The following LIMCH1 variants were observed in gnomAD, a reference collection of about 807,000 sequenced individuals.
LIMCH1 encodes LIM and calponin homology domains-containing protein 1.
In LIMCH1, 113 loss-of-function variants were observed where a neutral mutation model predicts 176.5. That is an observed-to-expected ratio of 0.64 (90% CI 0.55 to 0.75). LIMCH1 has a LOEUF of 0.75. Among genes scored for constraint, LIMCH1 ranks in the 30% least tolerant of loss-of-function variants. The probability of loss-of-function intolerance (pLI) is 0.00; values close to 1 mark genes in which losing one functional copy is unlikely to be tolerated. For missense variants in LIMCH1, 1,674 were observed against 1,814.9 expected (o/e 0.92, Z 1.41); for synonymous variants, 619 against 645.9 (o/e 0.96, Z 0.63).
chr4:41,390,276 G>A (rs927715647), intron 1 of LIMCH1, among the ~76,000 whole-genome samples: 1 of 151,510 alleles, frequency 6.6e-6, no homozygotes, highest in Non-Finnish European at 1.5e-5. Flanking sequence ...GAGAGAGAGC[G>A]AGAGCGCTCC....
chr4:41,403,266 G>T (rs1294567332), intron 1 of LIMCH1, among the ~76,000 whole-genome samples: 2 of 152,086 alleles, frequency 1.3e-5, no homozygotes, highest in African/African-American at 4.8e-5. Context: ...AAGATGCAAA[G>T]AACTATGTTG....
intron 1 of LIMCH1, among the ~76,000 whole-genome samples, chr4:41,442,395 T>C (rs918261886): frequency 6.6e-5 from 10 of 152,076 alleles, no homozygotes; most frequent in African/African-American, 2.4e-4. Context: ...AAAACACAAG[T>C]TTGGCCACTT....
At chr4:41,422,024 A>G (rs952025805) in intron 1 of LIMCH1, among the ~76,000 whole-genome samples, 4 of 152,028 alleles carry the variant, frequency 2.6e-5, no homozygotes, top group African/African-American at 9.7e-5. Flanking sequence ...CAAAGGTTGC[A>G]GTGAGCTGGG....
chr4:41,696,857 T>A (rs1731064598), intron 31 of LIMCH1, among the ~76,000 whole-genome samples: 1 of 152,174 alleles, frequency 6.6e-6, no homozygotes, highest in African/African-American at 2.4e-5. Flanking sequence ...TTGATGGAGA[T>A]GCTTTGGTTT....
At chr4:41,613,929 C>G (rs2091767096) in intron 5 of LIMCH1, among the ~76,000 whole-genome samples, 1 of 152,196 alleles carries the variant, frequency 6.6e-6, no homozygotes, top group South Asian at 2.1e-4. Context: ...ATCATTCCTC[C>G]CTTGGACTCA....
At chr4:41,620,338 A>C in intron 6 of LIMCH1, 86 bp from the exon 7 acceptor site, 1 of 1,267,298 alleles carries the variant, frequency 7.9e-7, no homozygotes, top group Non-Finnish European at 1.1e-6. Flanking sequence ...AGTGAAAAGT[A>C]ATATCAGAAT....
intron 7 of LIMCH1, among the ~76,000 whole-genome samples, chr4:41,622,702 C>G (rs1287446025): frequency 6.6e-6 from 1 of 152,172 alleles, no homozygotes; most frequent in Non-Finnish European, 1.5e-5. Context: ...AACATCAAAT[C>G]ATAGTTTAAA....
At position 41,682,480 on chromosome 4, in the gene LIMCH1, C is replaced by T. The variant is rs1178933929; in HGVS notation, c.3845+20C>T. The T allele has an allele frequency of 1.9e-6, 3 of 1,608,086 alleles. No homozygotes were observed. The highest frequency in any genetic ancestry group is 3.4e-5 in the Admixed American group (2 of 59,302). Reference sequence around the variant, plus strand: ...GGGCAGGTATGAGCCCATCCCAAGCCACCATGAAAATGTACAAAGCTGGGC... The same window carrying T: ...GGGCAGGTATGAGCCCATCCCAAGCTACCATGAAAATGTACAAAGCTGGGC... On this transcript the variant is annotated intron_variant, in intron 26 of 31. Coordinates refer to ENST00000503057, the MANE Select transcript of LIMCH1 (RefSeq NM_001330672.2).
At chr4:41,636,198 C>T (rs2093579803) in intron 13 of LIMCH1, among the ~76,000 whole-genome samples, 1 of 151,532 alleles carries the variant, frequency 6.6e-6, no homozygotes, top group Non-Finnish European at 1.5e-5. Flanking sequence ...GCATGAGCCA[C>T]CATGCCTGGC....
intron 3 of LIMCH1, among the ~76,000 whole-genome samples, chr4:41,532,181 C>T (rs1008808283): frequency 6.6e-6 from 1 of 152,188 alleles, no homozygotes; most frequent in Non-Finnish European, 1.5e-5. Flanking sequence ...AACAACAAAA[C>T]ACACGAGGTC....
intron 6 of LIMCH1, 43 bp from the exon 7 acceptor site, chr4:41,620,381 C>T (rs1186418019): frequency 4.0e-6 from 6 of 1,516,662 alleles, no homozygotes; most frequent in Non-Finnish European, 4.4e-6. Context: ...TGCTCCCCAG[C>T]CCAGTCTGTT....
At chr4:41,539,595 G>A (rs142191104) in intron 1 of LIMCH1, among the ~76,000 whole-genome samples, 24 of 152,248 alleles carry the variant, frequency 1.6e-4, no homozygotes, top group African/African-American at 2.9e-4. Flanking sequence ...TCTAATCATC[G>A]GGCAGAGAGG....
At chr4:41,588,918 A>G (rs2086969751) in intron 1 of LIMCH1, among the ~76,000 whole-genome samples, 2 of 152,202 alleles carry the variant, frequency 1.3e-5, no homozygotes, top group South Asian at 4.1e-4. Context: ...ATATAGACAG[A>G]CGGCTGATCC....
intron 14 of LIMCH1, among the ~76,000 whole-genome samples, chr4:41,644,279 T>G (rs2093956823): frequency 6.6e-6 from 1 of 152,168 alleles, no homozygotes; most frequent in African/African-American, 2.4e-5. Context: ...ACAAAGACGG[T>G]CACATTTTGG....
At chr4:41,581,748 G>A (rs2085476127) in intron 1 of LIMCH1, among the ~76,000 whole-genome samples, 1 of 141,100 alleles carries the variant, frequency 7.1e-6, no homozygotes, top group Non-Finnish European at 1.5e-5. Flanking sequence ...AGAGGTTGCA[G>A]TGAGCCGAGA....
intron 1 of LIMCH1, among the ~76,000 whole-genome samples, chr4:41,572,033 C>A (rs1167608792): frequency 1.3e-5 from 2 of 151,998 alleles, no homozygotes; most frequent in Admixed American, 1.3e-4. Flanking sequence ...ATGAAAGGAG[C>A]AGTTCTAAGA....
At chr4:41,512,351 C>T (rs2075027992) in intron 2 of LIMCH1, among the ~76,000 whole-genome samples, 2 of 152,124 alleles carry the variant, frequency 1.3e-5, no homozygotes, top group African/African-American at 2.4e-5. Flanking sequence ...GGCAGTTCCT[C>T]AAAAGGTTAA....
chr4:41,565,971 A>C lies in LIMCH1; in HGVS notation c.-241+27621A>C, dbSNP rs971669553. Among the ~76,000 whole-genome samples, 3 of 152,188 alleles carry C rather than the reference A, an allele frequency of 2.0e-5. No homozygotes were observed. In the East Asian group the frequency reaches 5.8e-4, roughly 29 times the overall value. ...ATTTCTTATTTAACCCTGACAACTTATACTGTAGATATTCTTATTCCTGTT... is the reference window on the plus strand; with the variant it reads ...ATTTCTTATTTAACCCTGACAACTTCTACTGTAGATATTCTTATTCCTGTT... On this transcript the variant is annotated intron_variant, in intron 1 of 31. Coordinates refer to ENST00000503057, the MANE Select transcript of LIMCH1 (RefSeq NM_001330672.2).
At chr4:41,538,830 A>G (rs138963911) in intron 1 of LIMCH1, among the ~76,000 whole-genome samples, 19 of 152,224 alleles carry the variant, frequency 1.2e-4, no homozygotes, top group African/African-American at 4.3e-4. Context: ...AAAAACTTCC[A>G]TTTCTTAAAA....
Sources: gnomAD v4.1 joint callset for allele counts (sites outside exome capture counted in the v4.1 genomes callset) on GRCh38, gnomAD v4.1.1 for gene constraint, MANE v1.5 for transcripts, NCBI Gene and HGNC (gene_info 2026-07-23, HGNC 2026-07-21) for gene names.